The following MED30 variants were observed in gnomAD, a reference collection of about 807,000 sequenced individuals.
MED30 encodes the protein mediator of RNA polymerase II transcription subunit 30.
Under a neutral mutation model 21.7 loss-of-function variants are expected in MED30, and 8 were observed. The observed-to-expected ratio is 0.37, with a 90% confidence interval of 0.22 to 0.67. The LOEUF is 0.67. Among genes scored for constraint, MED30 ranks in the 30% least tolerant of loss-of-function variants. The pLI, the probability that MED30 is intolerant of heterozygous loss-of-function variation, is 0.58. For missense variants in MED30, 203 were observed against 228.2 expected (o/e 0.89, Z 0.71); for synonymous variants, 79 against 86.7 (o/e 0.91, Z 0.49).
intron 3 of MED30, among the ~76,000 whole-genome samples, chr8:117,531,644 A>G (rs999448722): frequency 6.6e-6 from 1 of 152,028 alleles, no homozygotes; most frequent in African/African-American, 2.4e-5. Flanking sequence ...ATAAAATTCA[A>G]TACTGTTGCT....
chr8:117,521,697 T>G (rs1818624754), intron 1 of MED30, among the ~76,000 whole-genome samples: 2 of 151,780 alleles, frequency 1.3e-5, no homozygotes, highest in African/African-American at 2.4e-5. Flanking sequence ...GAGTCTACAG[T>G]ATGTGGGCTT....
chr8:117,535,239 CTTTTT>C (rs957435711), intron 3 of MED30, among the ~76,000 whole-genome samples: 2 of 125,776 alleles, frequency 1.6e-5, no homozygotes, highest in Non-Finnish European at 3.4e-5. Context: ...TCCATTGATA[CTTTTT>C]TTTTTTTTTT....
In MED30 at chr8:117,520,961, A is replaced by C; in HGVS notation, c.85A>C (p.Asn29His). 1 of 1,612,966 alleles carries C rather than the reference A, an allele frequency of 6.2e-7. No individual in the cohort carries two copies. The highest frequency in any genetic ancestry group is 8.5e-7 in the Non-Finnish European group (1 of 1,179,480). The change falls in exon 1 of 4, where the codon AAC (asparagine) becomes CAC (histidine). Residue 29 changes from asparagine (N) to histidine (H), a missense_variant. Physicochemically the swap from Asn to His is moderately conservative, Grantham distance 68. Coordinates refer to ENST00000297347, the MANE Select transcript of MED30 (RefSeq NM_080651.4). ...GGCTCAGCAGGCCGCCCGGGAAGTC[A>C]ACACGGCGTCGCTGTGCCGCATCGG... The part of the protein sequence containing the change: ...PQAQQAAREV[N>H]TASLCRIGQE...
intron 2 of MED30, 23 bp from the exon 3 acceptor site, chr8:117,530,700 T>TA: frequency 1.3e-6 from 2 of 1,578,762 alleles, no homozygotes; most frequent in Non-Finnish European, 1.7e-6. Flanking sequence ...TTTTGCCTTT[T>TA]AATTTTTGTT....
intron 2 of MED30, 119 bp downstream of exon 2, chr8:117,528,928 G>C: frequency 1.3e-6 from 1 of 789,354 alleles, no homozygotes; most frequent in Admixed American, 3.0e-5. Flanking sequence ...AATTTTATTG[G>C]TTTTACTTTT....
chr8:117,524,621 T>C (rs1002609365), intron 1 of MED30, among the ~76,000 whole-genome samples: 1 of 152,186 alleles, frequency 6.6e-6, no homozygotes, highest in African/African-American at 2.4e-5. Context: ...ATTTTTAAAA[T>C]ACATAGTACA....
In MED30 at chr8:117,540,205, T is replaced by A; in HGVS notation, c.*227T>A. ...ATGGGGTTTGTATTTTGGTTAATCT[T>A]CATGAATTGAATAATTGTTTTTTTA... is the stretch of plus-strand genomic sequence containing the variant. On this transcript the variant is annotated 3_prime_UTR_variant, in exon 4 of 4. Coordinates refer to ENST00000297347, the MANE Select transcript of MED30 (RefSeq NM_080651.4). 1 of 274,732 alleles carries A rather than the reference T, an allele frequency of 3.6e-6. No homozygotes were observed. The highest frequency in any genetic ancestry group is 6.9e-5 in the East Asian group (1 of 14,414). The allele number at this position is 274,732 out of a possible 1,614,324, so 17.0% of individuals were successfully genotyped here. A position where few individuals can be genotyped will look rare whatever the true frequency, so the allele number is the denominator to read the frequency against.
At chr8:117,523,522 C>T in intron 1 of MED30, 1 of 1,596,762 alleles carries the variant, frequency 6.3e-7, no homozygotes, top group Non-Finnish European at 8.6e-7. Context: ...AAGGTAATCA[C>T]AGAGATACTG....
At position 117,539,947 on chromosome 8, in the gene MED30, A is replaced by G; in HGVS notation, c.506A>G (p.Asp169Gly). The G allele has an allele frequency of 1.9e-6, 3 of 1,607,838 alleles. No individual in the cohort carries two copies. Among genetic ancestry groups the G allele is most frequent in the Non-Finnish European group, 2.5e-6 (3 of 1,176,738 alleles). Residue 169 changes from aspartate to glycine, a missense_variant, in exon 4 of 4, where the codon GAT becomes GGT. By Grantham distance (94) the Asp-to-Gly change is moderately conservative. Coordinates refer to ENST00000297347, the MANE Select transcript of MED30 (RefSeq NM_080651.4). ...GATCAATTACGAAATCTCATCTGGG[A>G]TATAAATGCCATGTTGGCAATGAGG... ...IMDQLRNLIW[D>G]INAMLAMRN
In MED30 at chr8:117,540,113, G is replaced by T; in HGVS notation, c.*135G>T. 6.6e-6 allele frequency: 3 copies of T among 453,090 alleles called. No individual in the cohort carries two copies. The highest frequency in any genetic ancestry group is 3.8e-5 in the East Asian group (1 of 26,404). 28.1% of individuals were successfully genotyped at this position (453,090 alleles called of 1,614,324 possible). A position where few individuals can be genotyped will look rare whatever the true frequency, so the allele number is the denominator to read the frequency against. ...ACTAAAGTTTTTATTTTTACATTGT[G>T]ATTTTTACATTAAAATATTAACTTT... On this transcript the variant is annotated 3_prime_UTR_variant, in exon 4 of 4. Transcript: ENST00000297347.
At chr8:117,539,485 G>T (rs1051631548) in intron 3 of MED30, among the ~76,000 whole-genome samples, 3 of 151,964 alleles carry the variant, frequency 2.0e-5, no homozygotes, top group Admixed American at 1.3e-4. Context: ...AAAAAAATTC[G>T]TAGTGAAGGA....
At chr8:117,523,210 G>GTTT in intron 1 of MED30, 66 of 628,016 alleles carry the variant, frequency 1.1e-4, no homozygotes, top group South Asian at 1.4e-4. Context: ...TTTTTTTTAA[G>GTTT]TTTTTTTTTT....
intron 1 of MED30, among the ~76,000 whole-genome samples, chr8:117,527,656 G>A (rs1254090386): frequency 1.1e-5 from 1 of 93,796 alleles, no homozygotes; most frequent in East Asian, 2.7e-4. Context: ...TTTTTTTTTG[G>A]CATTCCTACC....
At chr8:117,528,917 G>A (rs570533224) in intron 2 of MED30, 108 bp downstream of exon 2, 13 of 887,952 alleles carry the variant, frequency 1.5e-5, no homozygotes, top group South Asian at 1.1e-4. Context: ...TCCAGGTTTC[G>A]AATTTTATTG....
intron 2 of MED30, among the ~76,000 whole-genome samples, chr8:117,529,146 CT>C (rs376570014): frequency 3.3e-5 from 5 of 151,674 alleles, no homozygotes; most frequent in South Asian, 2.1e-4. Flanking sequence ...GTATCATATA[CT>C]TTTAAGGTGG....
At chr8:117,521,436 AC>A (rs111236627) in intron 1 of MED30, among the ~76,000 whole-genome samples, 2,923 of 152,294 alleles carry the variant, frequency 0.019, 61 homozygotes, top group Admixed American at 0.046. Flanking sequence ...TTTTAAAAAA[AC>A]AGTCCTCCTT....
intron 3 of MED30, among the ~76,000 whole-genome samples, chr8:117,538,883 TTTAGAA>T (rs1242184267): frequency 2.0e-5 from 3 of 152,322 alleles, no homozygotes; most frequent in African/African-American, 7.2e-5. Flanking sequence ...GTCTTCAGTT[TTTAGAA>T]TTAGAAGGAG....
intron 3 of MED30, among the ~76,000 whole-genome samples, chr8:117,533,292 TA>T (rs1818817089): frequency 6.6e-6 from 1 of 151,868 alleles, no homozygotes; most frequent in South Asian, 2.1e-4. Context: ...TGGCAGCATG[TA>T]ACCAAAAAAA....
At position 117,520,965 on chromosome 8, in the gene MED30, C is replaced by G; in HGVS notation, c.89C>G (p.Thr30Arg). ...QAQQAAREVN[T>R]ASLCRIGQET... is the part of the protein sequence containing the mutation. ...CAGCAGGCCGCCCGGGAAGTCAACA[C>G]GGCGTCGCTGTGCCGCATCGGGCAG... Residue 30 changes from threonine to arginine, a missense_variant, in exon 1 of 4, where the codon ACG becomes AGG. Transcript: ENST00000297347. 6.2e-7 allele frequency: 1 copy of G among 1,612,990 alleles called. No individual in the cohort carries two copies.
Sources: gnomAD v4.1 joint callset for allele counts (sites outside exome capture counted in the v4.1 genomes callset) on GRCh38, gnomAD v4.1.1 for gene constraint, MANE v1.5 for transcripts, NCBI Gene and HGNC (gene_info 2026-07-23, HGNC 2026-07-21) for gene names.